The following PDGFC variants were observed in gnomAD, a reference collection of about 807,000 sequenced individuals.
PDGFC encodes the protein platelet-derived growth factor C.
In PDGFC, 12 loss-of-function variants were observed where a neutral mutation model predicts 35.5. The observed-to-expected ratio is 0.34, with a 90% confidence interval of 0.22 to 0.55. The LOEUF (loss-of-function observed/expected upper bound fraction) is 0.55, where lower values mean the gene tolerates loss of function less well. PDGFC is among the 20% of genes least tolerant of loss of function. The pLI, the probability that PDGFC is intolerant of heterozygous loss-of-function variation, is 0.91. For synonymous variants in PDGFC, 159 were observed against 148.8 expected (o/e 1.07, Z -0.50); for missense variants, 322 against 412.4 (o/e 0.78, Z 1.90).
intron 3 of PDGFC, among the ~76,000 whole-genome samples, chr4:156,800,976 AC>A (rs1368936768): frequency 6.6e-6 from 1 of 152,170 alleles, no homozygotes; most frequent in Non-Finnish European, 1.5e-5. Flanking sequence ...AGAAGCCTGA[AC>A]TTTGTTAAGG....
chr4:156,793,562 T>TATATATATATATAA (rs1391337141), intron 3 of PDGFC, among the ~76,000 whole-genome samples: 2 of 136,126 alleles, frequency 1.5e-5, no homozygotes, highest in African/African-American at 2.9e-5. Context: ...TATATATATA[T>TATATATATATATAA]AAAACACTTT....
At position 156,971,306 on chromosome 4, in the gene PDGFC, G is replaced by A. The variant is rs887710999; in HGVS notation, c.-403C>T. The A allele has an allele frequency of 2.5e-6, 1 of 400,818 alleles. No homozygotes were observed. The highest frequency in any genetic ancestry group is 4.3e-5 in the Admixed American group (1 of 23,194). The allele number at this position is 400,818 out of a possible 1,614,324, so 24.8% of individuals were successfully genotyped here. A position where few individuals can be genotyped will look rare whatever the true frequency, so the allele number is the denominator to read the frequency against. On this transcript the variant is annotated 5_prime_UTR_variant, in exon 1 of 6. Transcript: ENST00000502773. ...GGACAGGACAGAGGCGAAAACTCAA[G>A]GGTTGCCCGCAGCCAGACTGGAAGC... is the stretch of plus-strand genomic sequence containing the variant.
In PDGFC at chr4:156,888,442, C is replaced by T. The variant is rs79629244; in HGVS notation, c.119-38026G>A. 9.6e-3 allele frequency among the ~76,000 whole-genome samples: 1,455 copies of T among 152,256 alleles called. 17 individuals carry two copies. The highest frequency in any genetic ancestry group is 0.032 in the African/African-American group (1,342 of 41,538). Reference sequence around the variant, plus strand: ...TTGATGAAACCATAAGGAAACAAGACCTTTTCTGATTATAAATTCAGACAT... The same window carrying T: ...TTGATGAAACCATAAGGAAACAAGATCTTTTCTGATTATAAATTCAGACAT... On this transcript the variant is annotated intron_variant, in intron 1 of 5. Transcript: ENST00000502773.
intron 1 of PDGFC, among the ~76,000 whole-genome samples, chr4:156,963,233 C>T (rs1301553794): frequency 6.6e-6 from 1 of 151,892 alleles, no homozygotes; most frequent in Non-Finnish European, 1.5e-5. Context: ...ATTGGGAGGC[C>T]GAGGTGGAAG....
chr4:156,911,632 T>C (rs1042157190), intron 1 of PDGFC, among the ~76,000 whole-genome samples: 8 of 152,124 alleles, frequency 5.3e-5, no homozygotes, highest in African/African-American at 1.4e-4. Context: ...TCTCATTTCA[T>C]ACATGAAAAT....
chr4:156,938,514 C>G (rs1262991077), intron 1 of PDGFC, among the ~76,000 whole-genome samples: 1 of 151,924 alleles, frequency 6.6e-6, no homozygotes, highest in East Asian at 1.9e-4. Context: ...TTTATAATAT[C>G]AAATGATCTA....
intron 1 of PDGFC, among the ~76,000 whole-genome samples, chr4:156,861,893 T>C (rs985751168): frequency 6.6e-6 from 1 of 152,134 alleles, no homozygotes; most frequent in Non-Finnish European, 1.5e-5. Context: ...TTAGTAACCC[T>C]GCAAAGTAGC....
intron 1 of PDGFC, among the ~76,000 whole-genome samples, chr4:156,865,728 T>C (rs1280664930): frequency 1.3e-5 from 2 of 152,142 alleles, no homozygotes; most frequent in Non-Finnish European, 2.9e-5. Context: ...ACCACAGGCA[T>C]AGATTGATGA....
At position 156,826,608 on chromosome 4, in the gene PDGFC, G is replaced by T. The variant is rs558507946; in HGVS notation, c.315-15591C>A. Among the ~76,000 whole-genome samples the T allele has an allele frequency of 9.2e-5, 14 of 152,180 alleles. No individual in the cohort carries two copies. The East Asian group carries it at 2.7e-3, about 29-fold the overall frequency. ...GGCATCTTTAAAGGATTTACTATAGGTTAGATTCTTTCAACTTTTATCTGC... is the reference window on the plus strand; with the variant it reads ...GGCATCTTTAAAGGATTTACTATAGTTTAGATTCTTTCAACTTTTATCTGC... On this transcript the variant is annotated intron_variant, in intron 2 of 5. Coordinates refer to ENST00000502773, the MANE Select transcript of PDGFC (RefSeq NM_016205.3).
intron 1 of PDGFC, among the ~76,000 whole-genome samples, chr4:156,901,550 T>C (rs971995209): frequency 1.3e-5 from 2 of 152,042 alleles, no homozygotes; most frequent in South Asian, 2.1e-4. Flanking sequence ...TCTTATATAT[T>C]GGTAGCGAGA....
chr4:156,909,831 A>G (rs546860904), intron 1 of PDGFC, among the ~76,000 whole-genome samples: 1 of 152,280 alleles, frequency 6.6e-6, no homozygotes, highest in East Asian at 1.9e-4. Flanking sequence ...CAGATTCTTA[A>G]GTTAAATCTT....
chr4:156,904,418 A>C (rs894604539), intron 1 of PDGFC, among the ~76,000 whole-genome samples: 3 of 152,100 alleles, frequency 2.0e-5, no homozygotes, highest in Non-Finnish European at 4.4e-5. Flanking sequence ...TTGAACATTA[A>C]ATAAAATAAC....
At chr4:156,896,745 G>T (rs941024200) in intron 1 of PDGFC, among the ~76,000 whole-genome samples, 4 of 152,156 alleles carry the variant, frequency 2.6e-5, no homozygotes, top group Admixed American at 6.5e-5. Context: ...AACTAAAGGG[G>T]ATAGAGGGTA....
At chr4:156,925,290 T>G (rs1332721025) in intron 1 of PDGFC, among the ~76,000 whole-genome samples, 1 of 152,168 alleles carries the variant, frequency 6.6e-6, no homozygotes, top group African/African-American at 2.4e-5. Context: ...ATGTGCATTT[T>G]TTTAAAGACT....
intron 2 of PDGFC, among the ~76,000 whole-genome samples, chr4:156,819,950 T>G (rs1049561768): frequency 6.6e-5 from 10 of 152,190 alleles, no homozygotes; most frequent in African/African-American, 2.4e-4. Flanking sequence ...GTTCCAATCT[T>G]CACGGATAAA....
intron 1 of PDGFC, among the ~76,000 whole-genome samples, chr4:156,878,891 C>A (rs1730177586): frequency 6.6e-6 from 1 of 152,198 alleles, no homozygotes; most frequent in South Asian, 2.1e-4. Flanking sequence ...GTAACTCCTA[C>A]CAAGTAGCCC....
intron 3 of PDGFC, among the ~76,000 whole-genome samples, chr4:156,783,770 C>T (rs1731043257): frequency 1.3e-5 from 2 of 152,100 alleles, no homozygotes; most frequent in African/African-American, 2.4e-5. Context: ...TATTCAGGAT[C>T]TGACAGAATA....
chr4:156,890,014 G>A (rs1007420145), intron 1 of PDGFC, among the ~76,000 whole-genome samples: 12 of 152,094 alleles, frequency 7.9e-5, no homozygotes, highest in African/African-American at 2.9e-4. Context: ...TTATAAGTAA[G>A]CAGCTCCTCT....
intron 1 of PDGFC, among the ~76,000 whole-genome samples, chr4:156,904,339 T>G (rs1380419920): frequency 9.2e-5 from 14 of 152,066 alleles, no homozygotes; most frequent in Non-Finnish European, 1.5e-5. Flanking sequence ...GGCAAATTAC[T>G]TAATTTTACT....
Sources: allele counts gnomAD v4.1 joint callset (sites outside exome capture counted in the v4.1 genomes callset), GRCh38; gene constraint gnomAD v4.1.1; transcripts MANE v1.5; gene names NCBI Gene and HGNC (gene_info 2026-07-23, HGNC 2026-07-21).